The following SHQ1 variants were observed in gnomAD, a reference collection of about 807,000 sequenced individuals.
SHQ1 encodes the protein protein SHQ1 homolog.
In SHQ1, 49 loss-of-function variants were observed where a neutral mutation model predicts 53.8. The observed-to-expected ratio is 0.91, with a 90% confidence interval of 0.72 to 1.16. SHQ1 has a LOEUF of 1.16. Among genes scored for constraint, SHQ1 ranks in the 50% most tolerant of loss-of-function variants. The probability of loss-of-function intolerance (pLI) is 0.00; values close to 1 mark genes in which losing one functional copy is unlikely to be tolerated. For missense variants in SHQ1, 738 were observed against 683.1 expected (o/e 1.08, Z -0.90); for synonymous variants, 243 against 251.0 (o/e 0.97, Z 0.30).
chr3:72,817,875 A>T (rs1002133972), intron 6 of SHQ1, among the ~76,000 whole-genome samples: 24 of 152,192 alleles, frequency 1.6e-4, no homozygotes, highest in African/African-American at 5.5e-4. Context: ...ATCCATTAAA[A>T]TCTCATATTG....
intron 10 of SHQ1, among the ~76,000 whole-genome samples, chr3:72,783,749 G>T (rs1489008889): frequency 1.3e-5 from 2 of 151,958 alleles, no homozygotes; most frequent in African/African-American, 4.8e-5. Context: ...TCCAAGTCTG[G>T]ATTCATGATG....
chr3:72,812,815 A>G (rs1158275260), intron 8 of SHQ1, 21 bp from the exon 9 acceptor site: 4 of 1,613,288 alleles, frequency 2.5e-6, no homozygotes, highest in Middle Eastern at 1.7e-4. Context: ...TCATTTTAAT[A>G]AGCAGTCATT....
chr3:72,800,856 A>G (rs1706765650), intron 9 of SHQ1, among the ~76,000 whole-genome samples: 1 of 152,240 alleles, frequency 6.6e-6, no homozygotes, highest in Non-Finnish European at 1.5e-5. Context: ...ATGTAGCTGT[A>G]CAAACTTTAT....
At chr3:72,798,897 G>A (rs910284648) in intron 9 of SHQ1, among the ~76,000 whole-genome samples, 2 of 152,194 alleles carry the variant, frequency 1.3e-5, no homozygotes, top group Non-Finnish European at 2.9e-5. Flanking sequence ...ACAGCTATGT[G>A]GCTGTGGTTT....
At chr3:72,847,762 A>G (rs140406013) in intron 1 of SHQ1, among the ~76,000 whole-genome samples, 54 of 152,210 alleles carry the variant, frequency 3.5e-4, no homozygotes, top group African/African-American at 1.2e-3. Context: ...AGATCAACAG[A>G]AGGCGGCCTG....
At chr3:72,827,739 A>AT (rs1257765981) in intron 5 of SHQ1, among the ~76,000 whole-genome samples, 1 of 127,496 alleles carries the variant, frequency 7.8e-6, no homozygotes, top group Non-Finnish European at 1.7e-5. Context: ...TGAGATCTCA[A>AT]TTTTTTTTCA....
intron 10 of SHQ1, among the ~76,000 whole-genome samples, chr3:72,781,727 G>A (rs1254145260): frequency 1.3e-5 from 2 of 152,046 alleles, no homozygotes; most frequent in Admixed American, 1.3e-4. Context: ...TTGAAAATAG[G>A]AATGGCTGTT....
chr3:72,757,787 C>T lies in SHQ1; in HGVS notation c.1182-6951G>A, dbSNP rs368018080. On this transcript the variant is annotated intron_variant, in intron 10 of 10. Coordinates refer to ENST00000325599, the MANE Select transcript of SHQ1 (RefSeq NM_018130.3). ...GAGCTAAATGATAAGAACACATGGA[C>T]ACATAGAGGGGAACAACACACACCA... is the stretch of plus-strand genomic sequence containing the variant. 2.2e-4 allele frequency among the ~76,000 whole-genome samples: 33 copies of T among 152,110 alleles called. No homozygotes were observed. The South Asian group carries it at 2.5e-3, about 11-fold the overall frequency.
chr3:72,789,556 T>C (rs1706371250), intron 10 of SHQ1, among the ~76,000 whole-genome samples: 1 of 152,160 alleles, frequency 6.6e-6, no homozygotes, highest in Non-Finnish European at 1.5e-5. Context: ...GAAATACCAA[T>C]AAAAATAAGT....
intron 6 of SHQ1, 124 bp downstream of exon 6, chr3:72,824,300 T>C (rs1707576986): frequency 8.4e-7 from 1 of 1,188,812 alleles, no homozygotes; most frequent in East Asian, 2.8e-5. Flanking sequence ...AATTAGCAAT[T>C]CAAACTCATA....
intron 4 of SHQ1, among the ~76,000 whole-genome samples, chr3:72,833,507 C>G (rs12381229): frequency 3.4e-4 from 16 of 46,436 alleles, no homozygotes; most frequent in South Asian, 2.5e-3. Flanking sequence ...GATAGACAGA[C>G]AGACAGACAG....
At chr3:72,745,354 G>A (rs1705240475), downstream of SHQ1, among the ~76,000 whole-genome samples, 1 of 152,146 alleles carries the variant, frequency 6.6e-6, no homozygotes, top group African/African-American at 2.4e-5. Context: ...TTGTGCCAGT[G>A]AAAGGTGATA....
At chr3:72,812,170 T>C (rs1010495214) in intron 9 of SHQ1, among the ~76,000 whole-genome samples, 1 of 152,256 alleles carries the variant, frequency 6.6e-6, no homozygotes, top group Non-Finnish European at 1.5e-5. Flanking sequence ...AAAATCTTTC[T>C]TGACATGCCG....
the SHQ1 span, among the ~76,000 whole-genome samples, chr3:72,739,210 A>G: frequency 6.6e-6 from 1 of 152,216 alleles, no homozygotes; most frequent in African/African-American, 2.4e-5. Context: ...TTTGTGTACA[A>G]ACGAAGCCGT....
At chr3:72,730,127 AT>A in the SHQ1 span, among the ~76,000 whole-genome samples, 3 of 145,744 alleles carry the variant, frequency 2.1e-5, no homozygotes, top group Admixed American at 6.9e-5. Flanking sequence ...CCTAAATTTT[AT>A]TTTTTTAGAG....
At chr3:72,726,678 G>A in the SHQ1 span, among the ~76,000 whole-genome samples, 6 of 152,180 alleles carry the variant, frequency 3.9e-5, no homozygotes, top group Non-Finnish European at 8.8e-5. Flanking sequence ...GCTGAATACA[G>A]GAAAGCGGTG....
At chr3:72,816,966 C>T (rs1247016971) in intron 7 of SHQ1, among the ~76,000 whole-genome samples, 1 of 152,192 alleles carries the variant, frequency 6.6e-6, no homozygotes, top group Non-Finnish European at 1.5e-5. Flanking sequence ...TTCCTCTCTA[C>T]TCTCAGTTTC....
At chr3:72,831,956 T>C (rs776060988) in intron 5 of SHQ1, among the ~76,000 whole-genome samples, 1 of 152,226 alleles carries the variant, frequency 6.6e-6, no homozygotes, top group Admixed American at 6.5e-5. Context: ...ATTAGGAAGA[T>C]CCTGGGATCA....
At chr3:72,785,207 T>C (rs897259986) in intron 10 of SHQ1, among the ~76,000 whole-genome samples, 1 of 152,240 alleles carries the variant, frequency 6.6e-6, no homozygotes, top group Non-Finnish European at 1.5e-5. Flanking sequence ...GCAAGCCGAA[T>C]GCCTCACTTT....
Sources: gnomAD v4.1 joint callset for allele counts (sites outside exome capture counted in the v4.1 genomes callset) on GRCh38, gnomAD v4.1.1 for gene constraint, MANE v1.5 for transcripts, NCBI Gene and HGNC (gene_info 2026-07-23, HGNC 2026-07-21) for gene names.